Variants in SCN7A observed in about 807,000 individuals in gnomAD.
SCN7A encodes sodium channel protein type 7 subunit alpha.
Under a neutral mutation model 155.2 loss-of-function variants are expected in SCN7A, and 138 were observed. The ratio of observed to expected loss-of-function variants is 0.89; its 90% CI spans 0.77 to 1.02. The LOEUF (loss-of-function observed/expected upper bound fraction) is 1.02. SCN7A is among the 50% of genes least tolerant of loss of function. The probability of loss-of-function intolerance (pLI) is 0.00; values close to 1 mark genes in which losing one functional copy is unlikely to be tolerated. For synonymous variants in SCN7A, 693 were observed against 649.0 expected (o/e 1.07, Z -1.03); for missense variants, 2,058 against 1,986.6 (o/e 1.04, Z -0.68).
intron 23 of SCN7A, among the ~76,000 whole-genome samples, chr2:166,410,877 G>A (rs924573068): frequency 6.6e-6 from 1 of 151,878 alleles, no homozygotes; most frequent in Non-Finnish European, 1.5e-5. Flanking sequence ...GCTAATTTCA[G>A]TATCTTATGT....
chr2:166,412,385 TA>T, intron 23 of SCN7A, 144 bp downstream of exon 23: 7 of 987,656 alleles, frequency 7.1e-6, no homozygotes, highest in Non-Finnish European at 9.2e-6. Flanking sequence ...GCAGGAACAT[TA>T]ATCATGATTT....
chr2:166,460,605 T>C (rs1015990780), intron 10 of SCN7A, among the ~76,000 whole-genome samples: 1 of 151,894 alleles, frequency 6.6e-6, no homozygotes, highest in African/African-American at 2.4e-5. Flanking sequence ...GGGGAAAAGC[T>C]CAAGGAAGAA....
intron 4 of SCN7A, 100 bp from the exon 5 acceptor site, chr2:166,473,988 G>A: frequency 1.6e-6 from 1 of 610,798 alleles, no homozygotes; most frequent in East Asian, 3.2e-5. Context: ...TAATCTTATT[G>A]AACAACAATG....
At chr2:166,406,689 A>ATTATT in intron 25 of SCN7A, 43 bp from the exon 26 acceptor site, 1 of 1,297,394 alleles carries the variant, frequency 7.7e-7, no homozygotes, top group Middle Eastern at 1.9e-4. Context: ...TTATTCAAAC[A>ATTATT]CAATAGTATT....
At chr2:166,452,956 T>C (rs1420260510) in intron 11 of SCN7A, among the ~76,000 whole-genome samples, 1 of 152,196 alleles carries the variant, frequency 6.6e-6, no homozygotes, top group East Asian at 1.9e-4. Flanking sequence ...CTAAATATAG[T>C]CAAAGACAAG....
At chr2:166,484,484 AT>A (rs1163921005) in intron 2 of SCN7A, among the ~76,000 whole-genome samples, 1 of 151,866 alleles carries the variant, frequency 6.6e-6, no homozygotes, top group Non-Finnish European at 1.5e-5. Flanking sequence ...GATTATGTGT[AT>A]TTGCAAAATG....
At chr2:166,490,594 G>A (rs1366507170) in intron 1 of SCN7A, among the ~76,000 whole-genome samples, 2 of 152,030 alleles carry the variant, frequency 1.3e-5, no homozygotes. Flanking sequence ...ACGCTATTCG[G>A]ACTTTTAAAA....
chr2:166,479,069 G>T lies in SCN7A; in HGVS notation c.-14-1359C>A, dbSNP rs1450603344. On this transcript the variant is annotated intron_variant, in intron 2 of 25. Coordinates refer to ENST00000643258, the MANE Select transcript of SCN7A (RefSeq NM_002976.4). The stretch of plus-strand genomic sequence containing the variant: ...ATTGCAATTAAAGATAATAAATTTT[G>T]GTTTTGATATTGTGGCATTTTGCAT... Among the ~76,000 whole-genome samples the T allele has an allele frequency of 1.2e-4, 18 of 151,832 alleles. No individual in the cohort carries two copies. The East Asian group carries it at 3.3e-3, about 28-fold the overall frequency.
chr2:166,454,595 C>T (rs947536814), intron 11 of SCN7A, among the ~76,000 whole-genome samples: 6 of 152,166 alleles, frequency 3.9e-5, no homozygotes, highest in South Asian at 2.1e-4. Flanking sequence ...TATTCCACTT[C>T]GTGGCAGAGT....
At position 166,441,718 on chromosome 2, in the gene SCN7A, G is replaced by A; in HGVS notation, c.1835C>T (p.Thr612Ile). Residue 612 changes from threonine (T) to isoleucine (I), a missense_variant, in exon 15 of 26, where the codon ACA (threonine) becomes ATA (isoleucine). By Grantham distance (89) the Thr-to-Ile change is moderately conservative. Coordinates refer to ENST00000643258, the MANE Select transcript of SCN7A (RefSeq NM_002976.4). Reference sequence around the variant, plus strand: ...AAGAGACCACATCAAAATCTGGAATGTTGGCCAATACTTTCCCAACTTGAA... The same window carrying A: ...AAGAGACCACATCAAAATCTGGAATATTGGCCAATACTTTCCCAACTTGAA... ...RIFKLGKYWP[T>I]FQILMWSLSN... The A allele has an allele frequency of 6.2e-7, 1 of 1,611,186 alleles. No individual in the cohort carries two copies. Among genetic ancestry groups the A allele is most frequent in the Non-Finnish European group, 8.5e-7 (1 of 1,178,480 alleles).
chr2:166,470,224 T>C (rs984864794), intron 7 of SCN7A, among the ~76,000 whole-genome samples: 1 of 151,856 alleles, frequency 6.6e-6, no homozygotes, highest in African/African-American at 2.4e-5. Flanking sequence ...TTATTTTATA[T>C]TACTTTGTTC....
chr2:166,428,426 T>C (rs1471470800), intron 17 of SCN7A, among the ~76,000 whole-genome samples: 1 of 152,040 alleles, frequency 6.6e-6, no homozygotes, highest in East Asian at 1.9e-4. Flanking sequence ...TTGATTCCAG[T>C]TCTTAGGTGG....
At chr2:166,445,742 C>T (rs546655036) in intron 12 of SCN7A, among the ~76,000 whole-genome samples, 7 of 151,922 alleles carry the variant, frequency 4.6e-5, no homozygotes, top group Non-Finnish European at 8.8e-5. Flanking sequence ...AGCTTTTTGA[C>T]GTGCTGCTGG....
At chr2:166,464,396 G>A (rs1425754050) in intron 9 of SCN7A, among the ~76,000 whole-genome samples, 1 of 151,984 alleles carries the variant, frequency 6.6e-6, no homozygotes, top group Non-Finnish European at 1.5e-5. Flanking sequence ...AAAGCAACAG[G>A]AGGGAATTAC....
At chr2:166,486,498 G>A (rs1559131458) in intron 2 of SCN7A, among the ~76,000 whole-genome samples, 1 of 152,168 alleles carries the variant, frequency 6.6e-6, no homozygotes, top group Non-Finnish European at 1.5e-5. Flanking sequence ...ATGAGAGGAT[G>A]ACCTCTGGTT....
chr2:166,440,299 C>T (rs1175608964), intron 15 of SCN7A, among the ~76,000 whole-genome samples: 1 of 152,102 alleles, frequency 6.6e-6, no homozygotes, highest in Non-Finnish European at 1.5e-5. Flanking sequence ...CCAGGTAATT[C>T]CAAAGCCAGG....
intron 18 of SCN7A, 149 bp downstream of exon 18, chr2:166,427,639 T>C: frequency 1.8e-6 from 1 of 541,794 alleles, no homozygotes. Context: ...ATTATTTAGA[T>C]TTTAAATCAC....
intron 8 of SCN7A, 42 bp from the exon 9 acceptor site, chr2:166,465,573 A>AAC (rs1702511980): frequency 3.0e-5 from 43 of 1,433,094 alleles, no homozygotes; most frequent in Non-Finnish European, 3.9e-5. Flanking sequence ...TGTAATTATG[A>AAC]GTTAGCACCA....
chr2:166,421,961 T>C (rs1701520410), intron 19 of SCN7A, among the ~76,000 whole-genome samples: 1 of 152,110 alleles, frequency 6.6e-6, no homozygotes, highest in African/African-American at 2.4e-5. Flanking sequence ...AAAAATTTCT[T>C]CTTTTTACCC....
Sources: allele counts gnomAD v4.1 joint callset (sites outside exome capture counted in the v4.1 genomes callset), GRCh38; gene constraint gnomAD v4.1.1; transcripts MANE v1.5; gene names NCBI Gene and HGNC (gene_info 2026-07-23, HGNC 2026-07-21).